The following CNTNAP2 variants were observed in gnomAD, a reference collection of about 807,000 sequenced individuals.
The protein encoded by CNTNAP2 is contactin associated protein 2, also known as contactin-associated protein-like 2.
A neutral mutation model predicts 155.2 loss-of-function variants in CNTNAP2; 98 were observed. The ratio of observed to expected loss-of-function variants is 0.63; its 90% CI spans 0.54 to 0.75. CNTNAP2 has a LOEUF of 0.75. Ranked by LOEUF, CNTNAP2 falls within the 30% of genes least tolerant of loss-of-function variation. The probability of loss-of-function intolerance (pLI) is 0.00; values close to 1 mark genes in which losing one functional copy is unlikely to be tolerated. For missense variants in CNTNAP2, 1,727 were observed against 1,688.1 expected (o/e 1.02, Z -0.40); for synonymous variants, 651 against 631.2 (o/e 1.03, Z -0.47).
chr7:146,761,334 G>GAAGGAAGGAAAA (rs1463957492), intron 1 of CNTNAP2, among the ~76,000 whole-genome samples: 20 of 147,166 alleles, frequency 1.4e-4, no homozygotes, highest in African/African-American at 4.9e-4. Context: ...AGGAAGGAAG[G>GAAGGAAGGAAAA]AAAATAGGAA....
At chr7:148,202,125 A>G (rs1795378818) in intron 18 of CNTNAP2, among the ~76,000 whole-genome samples, 1 of 151,922 alleles carries the variant, frequency 6.6e-6, no homozygotes, top group Admixed American at 6.6e-5. Flanking sequence ...GAGTTGCGGT[A>G]TTTCATATGT....
At chr7:147,128,913 A>G in intron 7 of CNTNAP2, 77 bp downstream of exon 7, 1 of 1,561,742 alleles carries the variant, frequency 6.4e-7, no homozygotes, top group Non-Finnish European at 8.8e-7. Context: ...ATTGAACAAC[A>G]ACAAAATCAT....
At position 147,781,486 on chromosome 7, in the gene CNTNAP2, G is replaced by A. The variant is rs141687494; in HGVS notation, c.2099-122079G>A. 3.3e-3 allele frequency among the ~76,000 whole-genome samples: 496 copies of A among 152,280 alleles called. 6 individuals are homozygous for A. Among genetic ancestry groups the A allele is most frequent in the African/African-American group, 0.011 (467 of 41,540 alleles). Reference sequence around the variant, plus strand: ...CTGACGGGGTTCAGGAAATACTAAGGAGGATGAAGCTTTGCAGATGGTAAA... The same window carrying A: ...CTGACGGGGTTCAGGAAATACTAAGAAGGATGAAGCTTTGCAGATGGTAAA... On this transcript the variant is annotated intron_variant, in intron 13 of 23. Coordinates refer to ENST00000361727, the MANE Select transcript of CNTNAP2 (RefSeq NM_014141.6).
At chr7:148,057,972 T>TTAC in intron 15 of CNTNAP2, among the ~76,000 whole-genome samples, 1 of 148,064 alleles carries the variant, frequency 6.8e-6, no homozygotes, top group East Asian at 2.0e-4. Flanking sequence ...ATTATTATTA[T>TTAC]TATTATTATT....
At chr7:147,978,068 G>T in intron 15 of CNTNAP2, 79 bp downstream of exon 15, 1 of 1,568,932 alleles carries the variant, frequency 6.4e-7, no homozygotes, top group Admixed American at 1.8e-5. Flanking sequence ...GAAGATGCCT[G>T]CAATCAGACT....
chr7:148,176,901 T>C (rs1794948044), intron 18 of CNTNAP2, among the ~76,000 whole-genome samples: 1 of 152,206 alleles, frequency 6.6e-6, no homozygotes, highest in Admixed American at 6.5e-5. Flanking sequence ...GAATGGATAG[T>C]TGCTTGGTCA....
chr7:146,763,227 G>A (rs760629767), intron 1 of CNTNAP2, among the ~76,000 whole-genome samples: 5 of 152,020 alleles, frequency 3.3e-5, no homozygotes, highest in Admixed American at 6.6e-5. Context: ...TTCCTGCTCC[G>A]AGCCTTTTGA....
At chr7:146,508,364 G>C (rs532806149) in intron 1 of CNTNAP2, among the ~76,000 whole-genome samples, 1 of 152,206 alleles carries the variant, frequency 6.6e-6, no homozygotes, top group Non-Finnish European at 1.5e-5. Context: ...ACCCTGGAAT[G>C]TATTCAAGTA....
rs542740277 is a variant in CNTNAP2 at position 148,279,484 on chromosome 7, A to G, written c.3475+12358A>G. Among the ~76,000 whole-genome samples the G allele has an allele frequency of 6.8e-4, 104 of 152,358 alleles. 1 individual carries two copies. The Middle Eastern group carries it at 0.027, about 40-fold the overall frequency. ...CCCAGTGGTGGGGCTGCCTACTACAATGAGGTACCCTGGGAGAGAAGTAGT... is the reference window on the plus strand; with the variant it reads ...CCCAGTGGTGGGGCTGCCTACTACAGTGAGGTACCCTGGGAGAGAAGTAGT... On this transcript the variant is annotated intron_variant, in intron 21 of 23. Coordinates refer to ENST00000361727, the MANE Select transcript of CNTNAP2 (RefSeq NM_014141.6).
intron 1 of CNTNAP2, among the ~76,000 whole-genome samples, chr7:146,701,287 C>T (rs899224869): frequency 6.6e-6 from 1 of 152,092 alleles, no homozygotes; most frequent in African/African-American, 2.4e-5. Context: ...TCCAGATGCC[C>T]CTCATCATGA....
intron 17 of CNTNAP2, among the ~76,000 whole-genome samples, chr7:148,171,208 G>A (rs149873696): frequency 1.3e-5 from 2 of 152,120 alleles, no homozygotes; most frequent in Non-Finnish European, 2.9e-5. Flanking sequence ...CATATATAAG[G>A]TACTGTATAT....
At chr7:147,292,653 G>C (rs967016716) in intron 8 of CNTNAP2, among the ~76,000 whole-genome samples, 3 of 152,160 alleles carry the variant, frequency 2.0e-5, no homozygotes, top group Non-Finnish European at 4.4e-5. Context: ...GTGCAGACAA[G>C]ATAAGGACCA....
chr7:147,566,695 C>G (rs1800179388), intron 12 of CNTNAP2, among the ~76,000 whole-genome samples: 2 of 152,278 alleles, frequency 1.3e-5, no homozygotes, highest in South Asian at 4.1e-4. Flanking sequence ...TCCCCATAAT[C>G]CAATCACCTC....
rs142934780 is a variant in CNTNAP2 at position 146,344,354 on chromosome 7, G to T, written c.97+227381G>T. 3.5e-3 allele frequency among the ~76,000 whole-genome samples: 526 copies of T among 152,126 alleles called. 3 individuals carry two copies. Among genetic ancestry groups the T allele is most frequent in the African/African-American group, 0.012 (507 of 41,524 alleles). On this transcript the variant is annotated intron_variant, in intron 1 of 23. Coordinates refer to ENST00000361727, the MANE Select transcript of CNTNAP2 (RefSeq NM_014141.6). ...TTTAGAAAACTAAAGGTCATTTAGT[G>T]TAAAAAACATAGTTGAAATACAATT...
chr7:146,932,385 AAC>A (rs1365164891), intron 3 of CNTNAP2, among the ~76,000 whole-genome samples: 2 of 151,724 alleles, frequency 1.3e-5, no homozygotes, highest in South Asian at 2.1e-4. Context: ...AAAATTCAAC[AAC>A]CCTTCATGCT....
chr7:147,046,771 T>A (rs912810707), intron 4 of CNTNAP2, among the ~76,000 whole-genome samples: 1 of 152,120 alleles, frequency 6.6e-6, no homozygotes, highest in African/African-American at 2.4e-5. Context: ...GGCTCACACC[T>A]GTAATCCCAG....
At chr7:147,606,798 T>A (rs1326428433) in intron 12 of CNTNAP2, among the ~76,000 whole-genome samples, 2 of 152,154 alleles carry the variant, frequency 1.3e-5, no homozygotes, top group Non-Finnish European at 2.9e-5. Flanking sequence ...TGGGAAGTGA[T>A]TGGTATTTTC....
At chr7:147,225,644 G>C (rs1303944044) in intron 8 of CNTNAP2, among the ~76,000 whole-genome samples, 1 of 152,000 alleles carries the variant, frequency 6.6e-6, no homozygotes, top group Admixed American at 6.6e-5. Context: ...ACAGCATTAG[G>C]ACATTGTGCT....
intron 9 of CNTNAP2, among the ~76,000 whole-genome samples, chr7:147,373,222 C>T (rs1012964946): frequency 9.2e-5 from 14 of 152,060 alleles, no homozygotes; most frequent in Non-Finnish European, 2.9e-5. Flanking sequence ...AAGAATTTCC[C>T]GTTTTAACCC....
Sources: allele counts gnomAD v4.1 joint callset (sites outside exome capture counted in the v4.1 genomes callset), GRCh38; gene constraint gnomAD v4.1.1; transcripts MANE v1.5; gene names NCBI Gene and HGNC (gene_info 2026-07-23, HGNC 2026-07-21).